Variants in RALGAPA2 observed in about 807,000 individuals in gnomAD.
RALGAPA2 encodes the protein ral GTPase-activating protein subunit alpha-2.
A neutral mutation model predicts 230.4 loss-of-function variants in RALGAPA2; 139 were observed. The observed-to-expected ratio is 0.60, with a 90% CI of 0.53 to 0.69. The LOEUF is 0.69. RALGAPA2 is among the 30% of genes least tolerant of loss of function. RALGAPA2 has a pLI of 0.00. For missense variants in RALGAPA2, 2,163 were observed against 2,276.0 expected (o/e 0.95, Z 1.01); for synonymous variants, 847 against 837.8 (o/e 1.01, Z -0.19).
chr20:20,485,493 C>T (rs568369813), intron 36 of RALGAPA2, among the ~76,000 whole-genome samples: 1 of 152,224 alleles, frequency 6.6e-6, no homozygotes, highest in Admixed American at 6.5e-5. Flanking sequence ...ATTCATTGTC[C>T]TTATTGTTTT....
At chr20:20,552,693 C>G (rs1482580972) in intron 23 of RALGAPA2, among the ~76,000 whole-genome samples, 1 of 152,152 alleles carries the variant, frequency 6.6e-6, no homozygotes, top group African/African-American at 2.4e-5. Flanking sequence ...TCCTGCAGTA[C>G]TTGTGGACAT....
intron 37 of RALGAPA2, among the ~76,000 whole-genome samples, chr20:20,434,197 G>A (rs552843119): frequency 6.6e-6 from 1 of 152,158 alleles, no homozygotes; most frequent in Non-Finnish European, 1.5e-5. Flanking sequence ...AATACACATG[G>A]TTAGTCTCTC....
intron 20 of RALGAPA2, among the ~76,000 whole-genome samples, chr20:20,582,484 A>T (rs1320044582): frequency 6.6e-6 from 1 of 152,102 alleles, no homozygotes; most frequent in East Asian, 1.9e-4. Flanking sequence ...CATTTTTTTT[A>T]AGTTTAGAAA....
At chr20:20,692,854 C>G (rs1208773638) in intron 1 of RALGAPA2, among the ~76,000 whole-genome samples, 1 of 152,194 alleles carries the variant, frequency 6.6e-6, no homozygotes, top group Non-Finnish European at 1.5e-5. Flanking sequence ...TTAGCCAACT[C>G]TGGGGCCTCC....
At chr20:20,659,797 G>T in intron 3 of RALGAPA2, 1 of 871,084 alleles carries the variant, frequency 1.1e-6, no homozygotes, top group Middle Eastern at 2.5e-4. Context: ...TGGAGAGAAG[G>T]AAAAAACAGA....
At chr20:20,553,543 A>G (rs1199518677) in intron 23 of RALGAPA2, among the ~76,000 whole-genome samples, 1 of 151,262 alleles carries the variant, frequency 6.6e-6, no homozygotes, top group African/African-American at 2.5e-5. Context: ...CAGAGAGCGA[A>G]TCTATCTTAA....
intron 38 of RALGAPA2, among the ~76,000 whole-genome samples, chr20:20,401,291 G>T (rs891260654): frequency 6.6e-6 from 1 of 152,134 alleles, no homozygotes; most frequent in Non-Finnish European, 1.5e-5. Flanking sequence ...GTGGCTCCAA[G>T]ATTTTAGAAG....
chr20:20,438,182 A>T (rs895399432), intron 37 of RALGAPA2, among the ~76,000 whole-genome samples: 1 of 152,240 alleles, frequency 6.6e-6, no homozygotes, highest in Non-Finnish European at 1.5e-5. Flanking sequence ...ACTACCTGTG[A>T]CTGTGTCACC....
rs1479570266 is a variant in RALGAPA2, at chr20:20,629,404, T to C, written c.1192A>G (p.Thr398Ala). The change falls in exon 10 of 40, where the codon ACA becomes GCA. Residue 398 changes from threonine (T) to alanine (A), a missense_variant. By Grantham distance (58) the Thr-to-Ala change is moderately conservative (BLOSUM62 0). Transcript: ENST00000202677. Reference protein sequence around the residue: ...YEMVQRILLSTRGYVNFVNEV... With the variant: ...YEMVQRILLSARGYVNFVNEV... ...TTCACGAAGTTGACATAACCTCGTG[T>C]TGACAAGAGAATCCGCTGTACCATT... The C allele has an allele frequency of 4.3e-6, 7 of 1,612,580 alleles. No homozygotes were observed. Among genetic ancestry groups the C allele is most frequent in the Non-Finnish European group, 5.9e-6 (7 of 1,179,472 alleles).
chr20:20,583,170 T>C lies in RALGAPA2; in HGVS notation c.2587A>G (p.Met863Val), dbSNP rs777028018. ...TCCTCACAGGTCTGCCATGGGCCCATGGACAGCTCTGCCTCATTGGTACAG... is the reference window on the plus strand; with the variant it reads ...TCCTCACAGGTCTGCCATGGGCCCACGGACAGCTCTGCCTCATTGGTACAG... ...LGCTNEAELS[M>V]GPWQTCEEDP... The change falls in exon 20 of 40, where the codon ATG becomes GTG. Residue 863 changes from methionine to valine, a missense_variant. Coordinates refer to ENST00000202677, the MANE Select transcript of RALGAPA2 (RefSeq NM_020343.4). The C allele has an allele frequency of 1.6e-5, 26 of 1,613,500 alleles. No individual in the cohort carries two copies. In the African/African-American group the frequency reaches 2.4e-4, roughly 15 times the overall value.
chr20:20,653,645 C>G (rs1449887875), intron 3 of RALGAPA2, 58 bp from the exon 4 acceptor site: 8 of 1,045,512 alleles, frequency 7.7e-6, no homozygotes, highest in Non-Finnish European at 1.1e-5. Flanking sequence ...ATTTTCATGA[C>G]AGGCCCATAT....
At chr20:20,427,915 G>A (rs575587148) in intron 37 of RALGAPA2, among the ~76,000 whole-genome samples, 2 of 152,042 alleles carry the variant, frequency 1.3e-5, no homozygotes, top group Admixed American at 1.3e-4. Context: ...CTCCATTTCA[G>A]CAGGTACCTC....
chr20:20,518,068 T>TTC (rs1308464409), intron 31 of RALGAPA2, among the ~76,000 whole-genome samples: 1 of 151,780 alleles, frequency 6.6e-6, no homozygotes, highest in East Asian at 1.9e-4. Context: ...ATAATTTTTT[T>TTC]CCCCCCGAGA....
intron 6 of RALGAPA2, 25 bp downstream of exon 6, chr20:20,640,676 T>C (rs769289920): frequency 6.3e-6 from 10 of 1,582,082 alleles, no homozygotes; most frequent in Admixed American, 1.8e-5. Flanking sequence ...AATTTCAACA[T>C]GGGAGATCTG....
intron 4 of RALGAPA2, 83 bp downstream of exon 4, chr20:20,653,447 T>G: frequency 1.3e-6 from 1 of 787,684 alleles, no homozygotes; most frequent in South Asian, 1.6e-5. Flanking sequence ...TAAGCTATCT[T>G]GATGATATCA....
At chr20:20,631,974 A>C (rs2066686677) in intron 9 of RALGAPA2, among the ~76,000 whole-genome samples, 1 of 150,684 alleles carries the variant, frequency 6.6e-6, no homozygotes, top group Non-Finnish European at 1.5e-5. Context: ...CTAGGGACCA[A>C]TCTGTTTTGT....
intron 19 of RALGAPA2, among the ~76,000 whole-genome samples, chr20:20,584,260 T>G (rs2065069644): frequency 1.3e-5 from 2 of 152,214 alleles, no homozygotes; most frequent in African/African-American, 4.8e-5. Context: ...TTGACTTCAA[T>G]GTACTTCTGA....
intron 23 of RALGAPA2, among the ~76,000 whole-genome samples, chr20:20,557,308 TA>T (rs535984545): frequency 1.4e-4 from 21 of 147,530 alleles, no homozygotes; most frequent in Admixed American, 3.4e-4. Context: ...TACTCCGTCT[TA>T]AAAAAAAAAG....
intron 37 of RALGAPA2, among the ~76,000 whole-genome samples, chr20:20,417,977 T>C (rs559305516): frequency 6.6e-6 from 1 of 152,272 alleles, no homozygotes; most frequent in South Asian, 2.1e-4. Flanking sequence ...CCTTGGGGTA[T>C]GGAAAATCTC....
Sources: allele counts gnomAD v4.1 joint callset (sites outside exome capture counted in the v4.1 genomes callset), GRCh38; gene constraint gnomAD v4.1.1; transcripts MANE v1.5; gene names NCBI Gene and HGNC (gene_info 2026-07-23, HGNC 2026-07-21).